Variants in HEPHL1 observed in about 807,000 individuals in gnomAD.
The protein encoded by HEPHL1 is ferroxidase HEPHL1.
In HEPHL1, 123 loss-of-function variants were observed where a neutral mutation model predicts 122.0. That is an observed-to-expected ratio of 1.01 (90% confidence interval 0.87 to 1.17). The LOEUF is 1.17. Ranked by LOEUF, HEPHL1 falls within the 50% of genes most tolerant of loss-of-function variation. HEPHL1 has a pLI of 0.00. For missense variants in HEPHL1, 1,452 were observed against 1,430.5 expected, an observed-to-expected ratio of 1.01 and a Z score of -0.24; for synonymous variants, 527 against 508.9, an observed-to-expected ratio of 1.04 and a Z score of -0.48.
At chr11:94,104,866 G>A (rs1316743767) in intron 16 of HEPHL1, 116 bp downstream of exon 16, 9 of 801,790 alleles carry the variant, frequency 1.1e-5, no homozygotes, top group Non-Finnish European at 1.4e-5. Context: ...AGGGGCACCT[G>A]GACTGAAGAA....
At chr11:94,029,871 C>A (rs11020634) in intron 1 of HEPHL1, among the ~76,000 whole-genome samples, 49,231 of 152,070 alleles carry the variant, frequency 0.32, 9,256 homozygotes, top group South Asian at 0.44. Context: ...GTGCCTTTGC[C>A]AGACAACTCA....
rs1946015747 is a variant in HEPHL1, at chr11:94,064,362, T to C, written c.660T>C (p.Asn220=). Reference sequence around the variant, plus strand: ...TGAATAGATATTCAGGGACACGGAATGATGTGGATCGAGAGTTTGTTATAA... The same window carrying C: ...TGAATAGATATTCAGGGACACGGAACGATGTGGATCGAGAGTTTGTTATAA... ...GILNRYSGTR[N]DVDREFVIMF... The change falls in exon 4 of 20, where the codon AAT becomes AAC. Residue 220 remains asparagine, a synonymous_variant. Coordinates refer to ENST00000315765, the MANE Select transcript of HEPHL1 (RefSeq NM_001098672.2). 2.5e-6 allele frequency: 4 copies of C among 1,613,292 alleles called. No individual in the cohort carries two copies. Among genetic ancestry groups the C allele is most frequent in the Middle Eastern group, 1.7e-4 (1 of 6,052 alleles).
rs1217499815 is a variant in HEPHL1, at chr11:94,112,330, T to C, written c.*436T>C. The C allele has an allele frequency of 6.5e-6, 1 of 153,260 alleles. No individual in the cohort carries two copies. The highest frequency in any genetic ancestry group is 1.9e-4 in the East Asian group (1 of 5,224). The allele number at this position is 153,260 out of a possible 1,614,324, so 9.5% of individuals were successfully genotyped here. ...TGGAAGGGCACTACTTTTTCAACAT[T>C]GTTGCATAACATGCATCCCTTGGTT... On this transcript the variant is annotated 3_prime_UTR_variant, in exon 20 of 20. Coordinates refer to ENST00000315765, the MANE Select transcript of HEPHL1 (RefSeq NM_001098672.2).
intron 2 of HEPHL1, 108 bp downstream of exon 2, chr11:94,046,025 T>C: frequency 2.1e-6 from 2 of 936,484 alleles, no homozygotes; most frequent in South Asian, 1.7e-5. Context: ...GATATATTTA[T>C]CTTCTCTCTG....
In HEPHL1 at chr11:94,111,970, C is replaced by G; in HGVS notation, c.*76C>G. The G allele has an allele frequency of 9.7e-7, 1 of 1,032,128 alleles. No homozygotes were observed. The highest frequency in any genetic ancestry group is 2.0e-5 in the South Asian group (1 of 49,472). The allele number at this position is 1,032,128 out of a possible 1,614,324, so 63.9% of individuals were successfully genotyped here. ...ATGGCAGCCAACAGGGAAACTGGAC[C>G]AAGGCATCACTCACCAAGGAAGGTT... On this transcript the variant is annotated 3_prime_UTR_variant, in exon 20 of 20. Coordinates refer to ENST00000315765, the MANE Select transcript of HEPHL1 (RefSeq NM_001098672.2).
chr11:94,079,195 T>C lies in HEPHL1; in HGVS notation c.1717-3223T>C, dbSNP rs1946149483. ...CATTTAATCTTCACAAAAAACATGA[T>C]GTGGGGACTCCTATTACCCTCACGT... is the stretch of plus-strand genomic sequence containing the variant. On this transcript the variant is annotated intron_variant, in intron 9 of 19. Coordinates refer to ENST00000315765, the MANE Select transcript of HEPHL1 (RefSeq NM_001098672.2). Among the ~76,000 whole-genome samples the C allele has an allele frequency of 2.0e-5, 3 of 152,166 alleles. No individual in the cohort carries two copies. The South Asian group carries it at 6.2e-4, about 31-fold the overall frequency.
Position 94,075,241 on chromosome 11 carries a change from G to C in HEPHL1, c.1572G>C (p.Glu524Asp), listed in dbSNP as rs1365344304. The C allele has an allele frequency of 1.2e-6, 2 of 1,613,488 alleles. No homozygotes were observed. The highest frequency in any genetic ancestry group is 1.7e-6 in the Non-Finnish European group (2 of 1,179,630). ...ETFTYKWTVP[E>D]SVSPTAGDPP... ...TCACATACAAGTGGACAGTGCCTGA[G>C]AGCGTAAGCCCAACTGCTGGTGATC... Residue 524 changes from glutamate (E) to aspartate (D), a missense_variant, in exon 9 of 20, where the codon GAG (glutamate) becomes GAC (aspartate). Transcript: ENST00000315765.
chr11:94,021,589 C>G (rs1419787288), intron 1 of HEPHL1, 51 bp downstream of exon 1: 7 of 1,400,412 alleles, frequency 5.0e-6, no homozygotes, highest in Non-Finnish European at 6.9e-6. Context: ...CTCTTTTTGA[C>G]TTTGTGTGGG....
At chr11:94,030,299 T>C (rs771466729) in intron 1 of HEPHL1, among the ~76,000 whole-genome samples, 1 of 152,228 alleles carries the variant, frequency 6.6e-6, no homozygotes, top group South Asian at 2.1e-4. Flanking sequence ...TTCCTCTGCC[T>C]CTTCCTCTTC....
chr11:94,104,825 A>G, intron 16 of HEPHL1, 75 bp downstream of exon 16: 1 of 1,123,572 alleles, frequency 8.9e-7, no homozygotes, highest in Non-Finnish European at 1.3e-6. Context: ...GGAGGCTCCC[A>G]GCATCCTTCT....
Position 94,060,095 on chromosome 11 carries a change from TATATATATATA to T in HEPHL1, c.416-3412_416-3402del, listed in dbSNP as rs1945972649. 3.5e-3 allele frequency among the ~76,000 whole-genome samples: 469 copies of T among 135,896 alleles called. 40 individuals are homozygous for T. Among genetic ancestry groups the T allele is most frequent in the African/African-American group, 0.012 (386 of 32,818 alleles). The allele number at this position is 135,896 out of a possible 152,430, so 89.2% of individuals were successfully genotyped here. A position where few individuals can be genotyped will look rare whatever the true frequency, so the allele number is the denominator to read the frequency against. ...AATACCACTCAGTCATATTTTATTA[TATATATATATA>T]TATATATATATATATATATATATAT... is the stretch of plus-strand genomic sequence containing the variant. On this transcript the variant is annotated intron_variant, in intron 2 of 19. Coordinates refer to ENST00000315765, the MANE Select transcript of HEPHL1 (RefSeq NM_001098672.2).
At chr11:94,085,337 C>T (rs1392213740) in intron 10 of HEPHL1, among the ~76,000 whole-genome samples, 1 of 152,128 alleles carries the variant, frequency 6.6e-6, no homozygotes, top group East Asian at 1.9e-4. Context: ...TTAATAAAGT[C>T]CCTCCAGTAA....
intron 12 of HEPHL1, among the ~76,000 whole-genome samples, 185 bp downstream of exon 12, chr11:94,089,153 G>C (rs1465311923): frequency 6.6e-6 from 1 of 152,216 alleles, no homozygotes; most frequent in Non-Finnish European, 1.5e-5. Flanking sequence ...AGCGTGCGGT[G>C]TCTCGCAGGC....
At chr11:94,067,473 C>T in intron 4 of HEPHL1, 23 bp from the exon 5 acceptor site, 1 of 1,609,190 alleles carries the variant, frequency 6.2e-7, no homozygotes, top group Non-Finnish European at 8.5e-7. Flanking sequence ...GAGTCTCTTC[C>T]ACTAGCGTGT....
chr11:94,063,450 T>C (rs968361089), intron 2 of HEPHL1, 58 bp from the exon 3 acceptor site: 16 of 1,339,168 alleles, frequency 1.2e-5, no homozygotes, highest in African/African-American at 8.8e-5. Flanking sequence ...TACTATAGCA[T>C]GTGATCTCTC....
At chr11:94,095,557 T>C (rs1422507770) in intron 13 of HEPHL1, among the ~76,000 whole-genome samples, 1 of 152,232 alleles carries the variant, frequency 6.6e-6, no homozygotes, top group Non-Finnish European at 1.5e-5. Flanking sequence ...TTGATGGGGA[T>C]GGCATTGAAT....
chr11:94,077,522 GT>G (rs1238478944), intron 9 of HEPHL1, among the ~76,000 whole-genome samples: 1 of 152,094 alleles, frequency 6.6e-6, no homozygotes, highest in Non-Finnish European at 1.5e-5. Flanking sequence ...TATCCTTTGT[GT>G]TACAAATAAT....
At chr11:94,086,974 T>C (rs535829418) in intron 11 of HEPHL1, among the ~76,000 whole-genome samples, 1 of 152,364 alleles carries the variant, frequency 6.6e-6, no homozygotes, top group East Asian at 1.9e-4. Context: ...TGTTTACTAA[T>C]GGATGTTCTA....
intron 12 of HEPHL1, among the ~76,000 whole-genome samples, chr11:94,091,457 T>G (rs1946263445): frequency 6.6e-6 from 1 of 152,128 alleles, no homozygotes; most frequent in African/African-American, 2.4e-5. Flanking sequence ...AAAATGAAAG[T>G]AGAAGAAAAG....
Sources: gnomAD v4.1 joint callset for allele counts (sites outside exome capture counted in the v4.1 genomes callset) on GRCh38, gnomAD v4.1.1 for gene constraint, MANE v1.5 for transcripts, NCBI Gene and HGNC (gene_info 2026-07-23, HGNC 2026-07-21) for gene names.